PLD1: variants seen among roughly 807,000 people sequenced by gnomAD.
PLD1 encodes the protein choline phosphatase 1.
In PLD1, 112 loss-of-function variants were observed where a neutral mutation model predicts 137.1. The observed-to-expected ratio is 0.82, with a 90% CI of 0.70 to 0.96. The LOEUF (loss-of-function observed/expected upper bound fraction) is 0.96. PLD1 is among the 40% of genes least tolerant of loss of function. The pLI is 0.00. For synonymous variants in PLD1, 431 were observed against 454.7 expected (o/e 0.95, Z 0.66); for missense variants, 1,321 against 1,342.0 (o/e 0.98, Z 0.24).
intron 1 of PLD1, among the ~76,000 whole-genome samples, chr3:171,776,564 G>C (rs1464200235): frequency 2.0e-5 from 3 of 152,108 alleles, no homozygotes; most frequent in Non-Finnish European, 2.9e-5. Context: ...TGAAACAATG[G>C]GCTCTCTGTT....
intron 1 of PLD1, among the ~76,000 whole-genome samples, chr3:171,745,436 A>T (rs1031308006): frequency 3.3e-5 from 5 of 152,092 alleles, no homozygotes; most frequent in Admixed American, 6.5e-5. Flanking sequence ...CTCAGTAAAG[A>T]TCCCCAGTCA....
intron 16 of PLD1, among the ~76,000 whole-genome samples, chr3:171,683,243 C>A (rs976578996): frequency 1.6e-4 from 24 of 152,160 alleles, no homozygotes; most frequent in African/African-American, 5.3e-4. Flanking sequence ...TCACAACCTG[C>A]AGAGTCACCA....
At chr3:171,680,230 C>A (rs1021076748) in intron 16 of PLD1, among the ~76,000 whole-genome samples, 6 of 124,232 alleles carry the variant, frequency 4.8e-5, no homozygotes, top group African/African-American at 1.8e-4. Context: ...TTTTTGTTTT[C>A]TTTTTCTTCC....
At chr3:171,644,178 A>G (rs982732406) in intron 22 of PLD1, among the ~76,000 whole-genome samples, 5 of 152,226 alleles carry the variant, frequency 3.3e-5, no homozygotes, top group African/African-American at 1.2e-4. Context: ...CAGGTGGTTC[A>G]GAAAAATAAG....
intron 8 of PLD1, among the ~76,000 whole-genome samples, chr3:171,718,760 A>G (rs1430314661): frequency 6.6e-6 from 1 of 152,188 alleles, no homozygotes; most frequent in Admixed American, 6.5e-5. Context: ...GTCAAAATCT[A>G]TAACATGAGG....
In PLD1 at chr3:171,602,967, G is replaced by A. The variant is rs1345752420; in HGVS notation, c.*111C>T. 2.7e-6 allele frequency: 2 copies of A among 731,014 alleles called. No homozygotes were observed. Among genetic ancestry groups the A allele is most frequent in the Non-Finnish European group, 2.3e-6 (1 of 429,764 alleles). 45.3% of individuals were successfully genotyped at this position (731,014 alleles called of 1,614,324 possible). On this transcript the variant is annotated 3_prime_UTR_variant, in exon 27 of 27. Transcript: ENST00000351298. ...CCCAGTCATTCCAAAAGGTCCTTGG[G>A]TTGGATACGAGAATGCGTCAGGCCT...
At position 171,774,905 on chromosome 3, in the gene PLD1, C is replaced by T. The variant is rs949005615; in HGVS notation, c.-32+35494G>A. On this transcript the variant is annotated intron_variant, in intron 1 of 26. Coordinates refer to ENST00000351298, the MANE Select transcript of PLD1 (RefSeq NM_002662.5). ...CTGTTCAGGGAGGATATCCAGCAGG[C>T]CCCAGGAGATGCAGGCCAGGTGCTA... Among the ~76,000 whole-genome samples the T allele has an allele frequency of 4.6e-5, 7 of 152,086 alleles. No homozygotes were observed. In the East Asian group the frequency reaches 1.3e-3, roughly 29 times the overall value.
chr3:171,794,452 ATGT>A (rs1324829779), intron 1 of PLD1, among the ~76,000 whole-genome samples: 11 of 152,262 alleles, frequency 7.2e-5, no homozygotes, highest in African/African-American at 1.9e-4. Flanking sequence ...AGACTACATA[ATGT>A]TGTGTTGTGC....
chr3:171,656,156 T>TTCTATTTATTTATTTA (rs1737174299), intron 21 of PLD1, among the ~76,000 whole-genome samples: 1 of 145,360 alleles, frequency 6.9e-6, no homozygotes, highest in African/African-American at 2.5e-5. Flanking sequence ...AATACTATAA[T>TTCTATTTATTTATTTA]TTTATTTATT....
intron 19 of PLD1, among the ~76,000 whole-genome samples, chr3:171,671,936 C>T (rs1046000458): frequency 6.6e-6 from 1 of 152,082 alleles, no homozygotes; most frequent in African/African-American, 2.4e-5. Context: ...ACTAGCACTT[C>T]TAGGACCAGG....
At chr3:171,610,832 G>T (rs892589914) in intron 25 of PLD1, among the ~76,000 whole-genome samples, 1 of 151,760 alleles carries the variant, frequency 6.6e-6, no homozygotes, top group African/African-American at 2.4e-5. Context: ...AGTAACAAAG[G>T]CAATAAATAC....
At chr3:171,681,201 G>A (rs944919064) in intron 16 of PLD1, among the ~76,000 whole-genome samples, 1 of 152,188 alleles carries the variant, frequency 6.6e-6, no homozygotes, top group African/African-American at 2.4e-5. Context: ...ACTGACAAGA[G>A]GTTATTTATT....
Position 171,692,369 on chromosome 3 carries a change from G to A in PLD1, c.1301C>T (p.Thr434Ile), listed in dbSNP as rs1416242599. The change falls in exon 13 of 27, where the codon ACC becomes ATC. Residue 434 changes from threonine (T) to isoleucine (I), a missense_variant. Thr to Ile is a moderately conservative substitution (Grantham distance 89). Transcript: ENST00000351298. The part of the protein sequence containing the change: ...ELALGINSEY[T>I]KRTLMRLHPN... ...ATGTAGACGCATCAAAGTCCTCTTG[G>A]TGTATTCACTATTGATGCCAAGAGC... 1.3e-6 allele frequency: 2 copies of A among 1,585,280 alleles called. No homozygotes were observed. Among genetic ancestry groups the A allele is most frequent in the African/African-American group, 2.7e-5 (2 of 74,378 alleles).
chr3:171,765,239 AC>A (rs1396376105), intron 1 of PLD1: 1 of 152,206 alleles, frequency 6.6e-6, no homozygotes, highest in Non-Finnish European at 1.5e-5. Flanking sequence ...CTGTTAAAAA[AC>A]GATTTCCAGA....
chr3:171,748,500 G>T (rs1720423346), intron 1 of PLD1, among the ~76,000 whole-genome samples: 1 of 152,132 alleles, frequency 6.6e-6, no homozygotes, highest in Admixed American at 6.5e-5. Context: ...TACAGAGAGT[G>T]TTTTCAATGA....
intron 1 of PLD1, among the ~76,000 whole-genome samples, chr3:171,757,852 T>C (rs1185068950): frequency 1.3e-5 from 2 of 152,240 alleles, no homozygotes; most frequent in Non-Finnish European, 2.9e-5. Flanking sequence ...ATTCACTGAT[T>C]CAGCACATGG....
chr3:171,767,128 A>C lies in PLD1; in HGVS notation c.-31-29046T>G, dbSNP rs142396102. Among the ~76,000 whole-genome samples the C allele has an allele frequency of 5.9e-5, 9 of 152,340 alleles. No homozygotes were observed. In the East Asian group the frequency reaches 1.3e-3, roughly 23 times the overall value. ...CCAAATTAAAACTAAACAATCAGAA[A>C]AGTCCAAGTTCCTAGCTTTAGTGGC... On this transcript the variant is annotated intron_variant, in intron 1 of 26. Coordinates refer to ENST00000351298, the MANE Select transcript of PLD1 (RefSeq NM_002662.5).
intron 11 of PLD1, among the ~76,000 whole-genome samples, chr3:171,708,540 A>G (rs971591621): frequency 6.6e-6 from 1 of 152,186 alleles, no homozygotes; most frequent in East Asian, 1.9e-4. Context: ...TATAAAACCT[A>G]ATTGTTCAAA....
Position 171,626,281 on chromosome 3 carries a change from G to A in PLD1, c.2594-5761C>T, listed in dbSNP as rs1734100989. Among the ~76,000 whole-genome samples, 5 of 152,298 alleles carry A rather than the reference G, an allele frequency of 3.3e-5. No homozygotes were observed. In the South Asian group the frequency reaches 8.3e-4, roughly 25 times the overall value. Reference sequence around the variant, plus strand: ...TGGAAGACAAAATGAATGAAATGAAGCGAGAAGGGAAGTTTAGAGAAAAAA... The same window carrying A: ...TGGAAGACAAAATGAATGAAATGAAACGAGAAGGGAAGTTTAGAGAAAAAA... On this transcript the variant is annotated intron_variant, in intron 23 of 26. Coordinates refer to ENST00000351298, the MANE Select transcript of PLD1 (RefSeq NM_002662.5).
Sources: gnomAD v4.1 joint callset for allele counts (sites outside exome capture counted in the v4.1 genomes callset) on GRCh38, gnomAD v4.1.1 for gene constraint, MANE v1.5 for transcripts, NCBI Gene and HGNC (gene_info 2026-07-23, HGNC 2026-07-21) for gene names.